Variants in TENM2 observed in about 807,000 individuals in gnomAD.
TENM2 encodes the protein teneurin-2.
Under a neutral mutation model 245.2 loss-of-function variants are expected in TENM2, and 52 were observed. That is an observed-to-expected ratio of 0.21 (90% CI 0.17 to 0.27). The LOEUF (loss-of-function observed/expected upper bound fraction) is 0.27, where lower values mean the gene tolerates loss of function less well. Among genes scored for constraint, TENM2 ranks in the 10% least tolerant of loss-of-function variants. The pLI is 1.00. For missense variants in TENM2, 3,046 were observed against 3,666.8 expected, an observed-to-expected ratio of 0.83 and a Z score of 4.37; for synonymous variants, 1,363 against 1,438.9, an observed-to-expected ratio of 0.95 and a Z score of 1.19.
intron 2 of TENM2, among the ~76,000 whole-genome samples, chr5:167,573,290 CCA>C (rs1774403084): frequency 6.6e-6 from 1 of 152,188 alleles, no homozygotes; most frequent in South Asian, 2.1e-4. Flanking sequence ...CACAGGTATA[CCA>C]CACAGTTAAA....
the TENM2 span, among the ~76,000 whole-genome samples, chr5:167,011,398 T>TCCAG: frequency 6.6e-6 from 1 of 152,224 alleles, no homozygotes; most frequent in African/African-American, 2.4e-5. Context: ...CCAGTGTGAA[T>TCCAG]GCCTAAATGT....
In TENM2 at chr5:167,810,322, C is replaced by T. The variant is rs796831098; in HGVS notation, c.503-65664C>T. Among the ~76,000 whole-genome samples, 13 of 152,106 alleles carry T rather than the reference C, an allele frequency of 8.5e-5. No individual in the cohort carries two copies. The East Asian group carries it at 1.7e-3, about 20-fold the overall frequency. On this transcript the variant is annotated intron_variant, in intron 2 of 28. Coordinates refer to ENST00000518659, the Ensembl canonical transcript of TENM2. ...AATTACTAAATCACGGTGTTAGTGG[C>T]GCATACAGAAAGGCAGAAGTTTCCA...
the TENM2 span, among the ~76,000 whole-genome samples, chr5:167,175,464 T>C: frequency 6.4e-4 from 98 of 152,390 alleles, 1 homozygote; most frequent in East Asian, 0.012. Context: ...TTTTTGTGTG[T>C]AACATTTTGT....
intron 2 of TENM2, among the ~76,000 whole-genome samples, chr5:167,738,255 T>C (rs949710482): frequency 6.6e-6 from 1 of 152,174 alleles, no homozygotes; most frequent in African/African-American, 2.4e-5. Flanking sequence ...GTTTATATAA[T>C]AAGAGCGTAG....
At chr5:166,984,457 A>C in the TENM2 span, among the ~76,000 whole-genome samples, 1 of 151,844 alleles carries the variant, frequency 6.6e-6, no homozygotes, top group Non-Finnish European at 1.5e-5. Context: ...CTCCTACTTC[A>C]ATTAGAAGAA....
At chr5:167,838,609 T>C (rs554496719) in intron 2 of TENM2, among the ~76,000 whole-genome samples, 24 of 152,326 alleles carry the variant, frequency 1.6e-4, no homozygotes, top group African/African-American at 5.5e-4. Context: ...TCATTACTCT[T>C]ATTTCCCTCA....
chr5:167,770,922 TG>T (rs1763361399), intron 2 of TENM2, among the ~76,000 whole-genome samples: 1 of 152,102 alleles, frequency 6.6e-6, no homozygotes, highest in Admixed American at 6.6e-5. Context: ...ACAGCTTTCT[TG>T]GCAGGTTCCA....
At position 168,016,745 on chromosome 5, in the gene TENM2, G is replaced by T. The variant is rs555064694; in HGVS notation, c.1186+23563G>T. 3.3e-5 allele frequency among the ~76,000 whole-genome samples: 5 copies of T among 152,314 alleles called. No homozygotes were observed. In the East Asian group the frequency reaches 9.6e-4, roughly 29 times the overall value. On this transcript the variant is annotated intron_variant, in intron 5 of 28. Coordinates refer to ENST00000518659, the Ensembl canonical transcript of TENM2. ...AACCTCTGAAATCGGATAGAATGGC[G>T]CTGGAATCCCCACTCTTCCACTTAC...
chr5:167,832,558 C>T (rs1391462918), intron 2 of TENM2, among the ~76,000 whole-genome samples: 2 of 152,150 alleles, frequency 1.3e-5, no homozygotes, highest in Admixed American at 1.3e-4. Flanking sequence ...TATGTCTGTG[C>T]ATGTTAGCAT....
the TENM2 span, among the ~76,000 whole-genome samples, chr5:167,018,507 T>C: frequency 6.6e-6 from 1 of 152,158 alleles, no homozygotes; most frequent in African/African-American, 2.4e-5. Context: ...TCACAGCATA[T>C]TCCTTTGCTT....
the TENM2 span, among the ~76,000 whole-genome samples, chr5:167,041,592 T>C: frequency 6.6e-6 from 1 of 152,238 alleles, no homozygotes; most frequent in Admixed American, 6.5e-5. Context: ...TAAAAGAGTC[T>C]TGAATTTTTT....
At chr5:168,023,033 C>T (rs927127938) in intron 5 of TENM2, among the ~76,000 whole-genome samples, 4 of 152,162 alleles carry the variant, frequency 2.6e-5, no homozygotes, top group African/African-American at 7.2e-5. Context: ...CACCACAGCT[C>T]GGGCAGGAGG....
At chr5:167,512,677 A>C (rs1770050923) in intron 2 of TENM2, among the ~76,000 whole-genome samples, 1 of 152,200 alleles carries the variant, frequency 6.6e-6, no homozygotes, top group East Asian at 1.9e-4. Flanking sequence ...ACTCAGATTT[A>C]TTACAAAATT....
chr5:167,241,115 G>A, the TENM2 span, among the ~76,000 whole-genome samples: 2 of 150,900 alleles, frequency 1.3e-5, no homozygotes, highest in Non-Finnish European at 2.9e-5. Flanking sequence ...CATTACTTTT[G>A]ATCCTGTCTC....
intron 2 of TENM2, among the ~76,000 whole-genome samples, chr5:167,600,461 G>A (rs1776562280): frequency 6.6e-6 from 1 of 151,988 alleles, no homozygotes; most frequent in Non-Finnish European, 1.5e-5. Context: ...ATCCCCCATT[G>A]CCTTGTAGTT....
Position 167,993,462 on chromosome 5 carries a change from C to T in TENM2, c.1186+280C>T, listed in dbSNP as rs533822944. Among the ~76,000 whole-genome samples, 29 of 152,322 alleles carry T rather than the reference C, an allele frequency of 1.9e-4. No individual in the cohort carries two copies. The Middle Eastern group carries it at 0.01, about 54-fold the overall frequency. ...GGAGATGAGCTGAGACTTTTCATTC[C>T]CGCAAACCTATCCCTCACTCTCAGA... On this transcript the variant is annotated intron_variant, in intron 5 of 28. Coordinates refer to ENST00000518659, the Ensembl canonical transcript of TENM2.
the TENM2 span, among the ~76,000 whole-genome samples, chr5:167,258,557 A>G: frequency 6.6e-6 from 1 of 152,144 alleles, no homozygotes; most frequent in South Asian, 2.1e-4. Context: ...TGGAAGTTCT[A>G]GAAAACATTT....
chr5:167,958,718 T>G (rs1299576917), intron 4 of TENM2, among the ~76,000 whole-genome samples: 1 of 152,208 alleles, frequency 6.6e-6, no homozygotes, highest in Non-Finnish European at 1.5e-5. Context: ...GTAAAGGATT[T>G]TATTTCTCCT....
chr5:167,894,873 C>T (rs1223473694), intron 3 of TENM2, among the ~76,000 whole-genome samples: 1 of 148,684 alleles, frequency 6.7e-6, no homozygotes, highest in East Asian at 2.0e-4. Context: ...GTTTTATTCT[C>T]GTAACTTACT....
Sources: gnomAD v4.1 joint callset for allele counts (sites outside exome capture counted in the v4.1 genomes callset) on GRCh38, gnomAD v4.1.1 for gene constraint, MANE v1.5 for transcripts, NCBI Gene and HGNC (gene_info 2026-07-23, HGNC 2026-07-21) for gene names.